ADCK1: variants seen among roughly 807,000 people sequenced by gnomAD.
The protein encoded by ADCK1 is aarF domain containing kinase 1, also known as aarF domain-containing protein kinase 1.
A neutral mutation model predicts 52.3 loss-of-function variants in ADCK1; 41 were observed. That is an observed-to-expected ratio of 0.78 (90% CI 0.61 to 1.02). The LOEUF is 1.02. Ranked by LOEUF, ADCK1 falls within the 50% of genes least tolerant of loss-of-function variation. The pLI is 0.00. For synonymous variants in ADCK1, 250 were observed against 274.6 expected, an observed-to-expected ratio of 0.91 and a Z score of 0.89; for missense variants, 658 against 679.5, an observed-to-expected ratio of 0.97 and a Z score of 0.35.
At chr14:77,803,705 C>T (rs1048280565) in intron 1 of ADCK1, among the ~76,000 whole-genome samples, 2 of 152,196 alleles carry the variant, frequency 1.3e-5, no homozygotes, top group Admixed American at 6.5e-5. Context: ...GATCTTGTGA[C>T]ATCCTGTTGA....
intron 7 of ADCK1, among the ~76,000 whole-genome samples, chr14:77,917,100 A>G (rs2083942863): frequency 1.3e-5 from 2 of 152,182 alleles, no homozygotes; most frequent in Admixed American, 1.3e-4. Flanking sequence ...TGGCACATGC[A>G]TGTAATCCCA....
At chr14:77,918,049 C>CATTA (rs1448099303) in intron 7 of ADCK1, among the ~76,000 whole-genome samples, 1 of 152,178 alleles carries the variant, frequency 6.6e-6, no homozygotes, top group Non-Finnish European at 1.5e-5. Context: ...CAGAGGATGG[C>CATTA]AGTGAGTGCT....
At chr14:77,810,531 CTT>C (rs1185694274) in intron 1 of ADCK1, among the ~76,000 whole-genome samples, 19 of 135,688 alleles carry the variant, frequency 1.4e-4, no homozygotes, top group African/African-American at 1.6e-4. Flanking sequence ...AGGCTGGGTT[CTT>C]TTTTTTTTTT....
rs143819203 is a variant in ADCK1 at position 77,870,001 on chromosome 14, A to G, written c.423+10722A>G. Reference sequence around the variant, plus strand: ...AAATTACCCAGCCTCAGGTATTTATAAAAACGTGAGAATGGACCAACACAG... The same window carrying G: ...AAATTACCCAGCCTCAGGTATTTATGAAAACGTGAGAATGGACCAACACAG... On this transcript the variant is annotated intron_variant, in intron 4 of 10. Coordinates refer to ENST00000238561, the MANE Select transcript of ADCK1 (RefSeq NM_020421.4). Among the ~76,000 whole-genome samples, 5 of 152,368 alleles carry G rather than the reference A, an allele frequency of 3.3e-5. No homozygotes were observed. The East Asian group carries it at 7.7e-4, about 24-fold the overall frequency.
chr14:77,927,169 G>C (rs1488637811), intron 9 of ADCK1, among the ~76,000 whole-genome samples: 2 of 152,110 alleles, frequency 1.3e-5, no homozygotes, highest in Admixed American at 6.6e-5. Flanking sequence ...TTTGGGAATG[G>C]CTAGATCCAG....
intron 3 of ADCK1, among the ~76,000 whole-genome samples, chr14:77,846,832 G>T (rs185730367): frequency 5.9e-5 from 9 of 152,328 alleles, no homozygotes; most frequent in African/African-American, 2.2e-4. Flanking sequence ...TTCTTCTGTG[G>T]ACCCGAAGCG....
chr14:77,805,757 GAGTT>G (rs1053172576), intron 1 of ADCK1, among the ~76,000 whole-genome samples: 2 of 151,958 alleles, frequency 1.3e-5, no homozygotes, highest in African/African-American at 4.8e-5. Context: ...AGGGAATTGA[GAGTT>G]AGACCATGTA....
intron 3 of ADCK1, among the ~76,000 whole-genome samples, chr14:77,832,617 TC>T (rs1164961694): frequency 2.6e-5 from 4 of 152,198 alleles, no homozygotes; most frequent in Non-Finnish European, 4.4e-5. Flanking sequence ...TCCCTGAAGT[TC>T]CTTTACTCAT....
intron 5 of ADCK1, among the ~76,000 whole-genome samples, chr14:77,896,306 G>A: frequency 6.6e-6 from 1 of 152,154 alleles, no homozygotes; most frequent in East Asian, 1.9e-4. Context: ...TCACCCCCAA[G>A]TAGAGACCTC....
At position 77,912,433 on chromosome 14, in the gene ADCK1, C is replaced by CGTGTGTGTGTGT. The variant is rs57555913; in HGVS notation, c.858+4547_858+4558dup. Among the ~76,000 whole-genome samples, 9 of 138,252 alleles carry CGTGTGTGTGTGT rather than the reference C, an allele frequency of 6.5e-5. No homozygotes were observed. The East Asian group carries it at 6.7e-4, about 10-fold the overall frequency. 90.7% of individuals were successfully genotyped at this position (138,252 alleles called of 152,430 possible). A position where few individuals can be genotyped will look rare whatever the true frequency, so the allele number is the denominator to read the frequency against. ...CACGGCCTTGAAGACTACGGAGGAG[C>CGTGTGTGTGTGT]GTGTGTGTGTGTGTGTGTGTGTGTG... On this transcript the variant is annotated intron_variant, in intron 7 of 10. Coordinates refer to ENST00000238561, the MANE Select transcript of ADCK1 (RefSeq NM_020421.4).
rs58057378 is a variant in ADCK1 at position 77,905,304 on chromosome 14, G to GTTTTTTTTTTTTTTTTT, written c.742-2495_742-2479dup. Among the ~76,000 whole-genome samples the GTTTTTTTTTTTTTTTTT allele has an allele frequency of 3.7e-3, 359 of 96,234 alleles. 32 individuals carry two copies. The highest frequency in any genetic ancestry group is 0.014 in the African/African-American group (331 of 23,080). 63.1% of individuals were successfully genotyped at this position (96,234 alleles called of 152,430 possible). ...TCCACCTGTGACTCTTTCCTAGCTG[G>GTTTTTTTTTTTTTTTTT]TTTTTTTTTTTTTTTTTTTTGAGAT... On this transcript the variant is annotated intron_variant, in intron 6 of 10. Transcript: ENST00000238561.
Position 77,923,720 on chromosome 14 carries a change from G to A in ADCK1, c.859-737G>A, listed in dbSNP as rs2084116027. On this transcript the variant is annotated intron_variant, in intron 7 of 10. Coordinates refer to ENST00000238561, the MANE Select transcript of ADCK1 (RefSeq NM_020421.4). This position sits in a 1 kb window ranked among gnomAD's most constrained non-coding sequence, Gnocchi z 4.3. Reference sequence around the variant, plus strand: ...TATTCAGCAGCTGTTCCTTAGCGGGGAAGAGGCTTTTAGCTTTAATAAAAA... The same window carrying A: ...TATTCAGCAGCTGTTCCTTAGCGGGAAAGAGGCTTTTAGCTTTAATAAAAA... The A allele has an allele frequency of 2.6e-5, 4 of 152,238 alleles. No homozygotes were observed. The South Asian group carries it at 8.3e-4, about 31-fold the overall frequency. 9.4% of individuals were successfully genotyped at this position (152,238 alleles called of 1,614,324 possible). A position where few individuals can be genotyped will look rare whatever the true frequency, so the allele number is the denominator to read the frequency against.
chr14:77,818,029 C>T (rs745886517), intron 1 of ADCK1, among the ~76,000 whole-genome samples: 5 of 152,114 alleles, frequency 3.3e-5, no homozygotes, highest in South Asian at 2.1e-4. Flanking sequence ...TGAGCCACCA[C>T]GCTGGGCCTC....
intron 3 of ADCK1, among the ~76,000 whole-genome samples, chr14:77,840,362 G>A (rs1314832197): frequency 6.6e-5 from 10 of 151,808 alleles, no homozygotes; most frequent in Non-Finnish European, 1.2e-4. Flanking sequence ...TCTTGTAAAG[G>A]CTGTCCACAT....
chr14:77,846,380 C>T (rs1378522390), intron 3 of ADCK1, among the ~76,000 whole-genome samples: 1 of 152,162 alleles, frequency 6.6e-6, no homozygotes, highest in Non-Finnish European at 1.5e-5. Context: ...GTAACAGTTC[C>T]CTTTGGGTGA....
intron 8 of ADCK1, among the ~76,000 whole-genome samples, chr14:77,924,990 T>C (rs1369975212): frequency 6.6e-6 from 1 of 152,142 alleles, no homozygotes; most frequent in Non-Finnish European, 1.5e-5. Context: ...ATATACTACC[T>C]AGTGGGAAAG....
chr14:77,817,212 C>T (rs959967468), intron 1 of ADCK1, among the ~76,000 whole-genome samples: 10 of 152,224 alleles, frequency 6.6e-5, no homozygotes, highest in African/African-American at 1.4e-4. Flanking sequence ...ACTGCACTCC[C>T]GCCTGGGCGA....
intron 4 of ADCK1, among the ~76,000 whole-genome samples, chr14:77,879,355 A>T (rs1471491572): frequency 6.6e-6 from 1 of 152,212 alleles, no homozygotes; most frequent in East Asian, 1.9e-4. Context: ...GATTGCTCTC[A>T]AGGAAGGTGC....
chr14:77,852,882 T>C (rs1433031017), intron 3 of ADCK1, among the ~76,000 whole-genome samples: 1 of 31,262 alleles, frequency 3.2e-5, no homozygotes, highest in Non-Finnish European at 6.4e-5. Context: ...CTTTTATGTG[T>C]GTATATATAT....
Sources: allele counts gnomAD v4.1 joint callset (sites outside exome capture counted in the v4.1 genomes callset), GRCh38; gene constraint gnomAD v4.1.1; non-coding constraint Gnocchi (gnomAD v3.1); transcripts MANE v1.5; gene names NCBI Gene and HGNC (gene_info 2026-07-23, HGNC 2026-07-21).